Variants in SUGCT observed in about 807,000 individuals in gnomAD.
SUGCT encodes succinyl-CoA:glutarate CoA-transferase.
A neutral mutation model predicts 55.0 loss-of-function variants in SUGCT; 41 were observed. The observed-to-expected ratio is 0.74, with a 90% confidence interval of 0.58 to 0.97. The LOEUF (loss-of-function observed/expected upper bound fraction) is 0.97. SUGCT is among the 50% of genes least tolerant of loss of function. SUGCT has a pLI of 0.00. For missense variants in SUGCT, 568 were observed against 547.8 expected (o/e 1.04, Z -0.37); for synonymous variants, 187 against 200.4 (o/e 0.93, Z 0.56).
intron 8 of SUGCT, among the ~76,000 whole-genome samples, chr7:40,281,925 A>T (rs1370659671): frequency 6.6e-6 from 1 of 151,834 alleles, no homozygotes; most frequent in African/African-American, 2.4e-5. Flanking sequence ...GGTGCAAATG[A>T]CTCTCCTGCC....
the SUGCT span, among the ~76,000 whole-genome samples, chr7:40,959,965 C>T: frequency 6.6e-5 from 10 of 152,174 alleles, no homozygotes; most frequent in African/African-American, 2.4e-4. Flanking sequence ...GGTGAGGCAA[C>T]ACTCCACCCT....
At chr7:40,471,569 T>G (rs1040009742) in intron 11 of SUGCT, among the ~76,000 whole-genome samples, 1 of 152,060 alleles carries the variant, frequency 6.6e-6, no homozygotes, top group African/African-American at 2.4e-5. Flanking sequence ...ACAACTTTCT[T>G]GGCTAGGAAG....
At chr7:40,804,754 A>AT (rs1791003116) in intron 13 of SUGCT, among the ~76,000 whole-genome samples, 2 of 152,224 alleles carry the variant, frequency 1.3e-5, no homozygotes, top group Non-Finnish European at 2.9e-5. Flanking sequence ...AATTGCCATA[A>AT]TAAAAGATCA....
chr7:40,584,088 T>C lies in SUGCT; in HGVS notation c.1089+87702T>C, dbSNP rs563547412. 3.3e-5 allele frequency among the ~76,000 whole-genome samples: 5 copies of C among 152,332 alleles called. 1 individual carries two copies. In the South Asian group the frequency reaches 1.0e-3, roughly 32 times the overall value. Reference sequence around the variant, plus strand: ...AGGTCATACAGTGTGGCGTCGAATGTAATTTTAGGAATTGTTTTTTGAGCA... The same window carrying C: ...AGGTCATACAGTGTGGCGTCGAATGCAATTTTAGGAATTGTTTTTTGAGCA... On this transcript the variant is annotated intron_variant, in intron 12 of 13. Transcript: ENST00000335693.
At chr7:40,789,472 T>C (rs1042879906) in intron 13 of SUGCT, among the ~76,000 whole-genome samples, 12 of 152,218 alleles carry the variant, frequency 7.9e-5, no homozygotes, top group Admixed American at 2.0e-4. Flanking sequence ...GATCTTCTTT[T>C]TTAAGGTCAA....
In SUGCT at chr7:40,634,265, G is replaced by A. The variant is rs576350118; in HGVS notation, c.1090-115169G>A. Among the ~76,000 whole-genome samples, 321 of 152,338 alleles carry A rather than the reference G, an allele frequency of 2.1e-3. 1 individual carries two copies. Among genetic ancestry groups the A allele is most frequent in the Non-Finnish European group, 3.6e-3 (248 of 68,036 alleles). Reference sequence around the variant, plus strand: ...GCTGAAGTGCCTGGGGCACTGAGACGGGAAAGAGGGAGCTAATCTAACCCT... The same window carrying A: ...GCTGAAGTGCCTGGGGCACTGAGACAGGAAAGAGGGAGCTAATCTAACCCT... On this transcript the variant is annotated intron_variant, in intron 12 of 13. Coordinates refer to ENST00000335693, the MANE Select transcript of SUGCT (RefSeq NM_001193313.2).
chr7:40,985,642 C>T, the SUGCT span, among the ~76,000 whole-genome samples: 1 of 152,072 alleles, frequency 6.6e-6, no homozygotes, highest in Non-Finnish European at 1.5e-5. Flanking sequence ...GTGAATTACA[C>T]AGAAAGGGAA....
chr7:41,035,872 C>T, the SUGCT span, among the ~76,000 whole-genome samples: 6 of 152,170 alleles, frequency 3.9e-5, no homozygotes, highest in African/African-American at 1.4e-4. Context: ...TGCATTTTCT[C>T]CCATCTGCCT....
intron 12 of SUGCT, among the ~76,000 whole-genome samples, chr7:40,653,566 A>T (rs924939454): frequency 6.6e-5 from 10 of 152,238 alleles, no homozygotes; most frequent in African/African-American, 2.4e-4. Context: ...TGTATTTAAA[A>T]AGCTGACTTC....
intron 7 of SUGCT, among the ~76,000 whole-genome samples, chr7:40,242,048 C>T (rs1010212036): frequency 6.6e-5 from 10 of 151,936 alleles, no homozygotes; most frequent in Non-Finnish European, 8.8e-5. Flanking sequence ...TATTTGATTA[C>T]GGACAAAGAG....
chr7:40,551,376 C>T (rs77485502), intron 12 of SUGCT, among the ~76,000 whole-genome samples: 3,937 of 152,204 alleles, frequency 0.026, 163 homozygotes, highest in African/African-American at 0.091. Context: ...CTGAATGCTA[C>T]CAGGAATACT....
intron 7 of SUGCT, among the ~76,000 whole-genome samples, chr7:40,268,702 T>G (rs1246620808): frequency 1.3e-5 from 2 of 151,792 alleles, no homozygotes; most frequent in Non-Finnish European, 2.9e-5. Flanking sequence ...TAGGTTGGAG[T>G]GCAGTGGTGC....
At chr7:40,884,474 T>C in the SUGCT span, among the ~76,000 whole-genome samples, 4 of 152,196 alleles carry the variant, frequency 2.6e-5, no homozygotes, top group African/African-American at 4.8e-5. Flanking sequence ...GTGGGCTCTC[T>C]GGATGCCATT....
chr7:40,258,489 C>T (rs905535926), intron 7 of SUGCT, among the ~76,000 whole-genome samples: 1 of 152,164 alleles, frequency 6.6e-6, no homozygotes, highest in African/African-American at 2.4e-5. Context: ...AGCGATAATC[C>T]TGCCTCAGCC....
chr7:40,438,249 A>G (rs1318078854), intron 9 of SUGCT, among the ~76,000 whole-genome samples: 4 of 152,104 alleles, frequency 2.6e-5, no homozygotes, highest in African/African-American at 7.2e-5. Flanking sequence ...TGTATCTTAT[A>G]TCTCAGGGGT....
chr7:40,479,779 G>A (rs1028605970), intron 11 of SUGCT, among the ~76,000 whole-genome samples: 3 of 152,042 alleles, frequency 2.0e-5, no homozygotes, highest in African/African-American at 7.2e-5. Context: ...GCGAAGTTGA[G>A]CACCTTTTTA....
chr7:40,862,988 C>A (rs1449818090), downstream of SUGCT, among the ~76,000 whole-genome samples: 1 of 151,282 alleles, frequency 6.6e-6, no homozygotes, highest in Admixed American at 6.6e-5. Context: ...CCTGTAATCC[C>A]AGCACTTTGG....
the SUGCT span, among the ~76,000 whole-genome samples, chr7:40,971,699 G>A: frequency 6.6e-6 from 1 of 152,250 alleles, no homozygotes; most frequent in African/African-American, 2.4e-5. Context: ...GTTGTTCTAA[G>A]AGGATCATGT....
the SUGCT span, among the ~76,000 whole-genome samples, chr7:40,987,350 C>T: frequency 1.3e-5 from 2 of 152,108 alleles, no homozygotes; most frequent in Non-Finnish European, 2.9e-5. Flanking sequence ...GATCAGGAGA[C>T]ACCAGTAGTT....
Sources: allele counts gnomAD v4.1 joint callset (sites outside exome capture counted in the v4.1 genomes callset), GRCh38; gene constraint gnomAD v4.1.1; transcripts MANE v1.5; gene names NCBI Gene and HGNC (gene_info 2026-07-23, HGNC 2026-07-21).